The following PPP1R1C variants were observed in gnomAD, a reference collection of about 807,000 sequenced individuals.
The protein encoded by PPP1R1C is protein phosphatase 1 regulatory inhibitor subunit 1C, also known as protein phosphatase 1 regulatory subunit 1C.
A neutral mutation model predicts 17.4 loss-of-function variants in PPP1R1C; 15 were observed. That is an observed-to-expected ratio of 0.86 (90% CI 0.58 to 1.33). The LOEUF is 1.33. PPP1R1C is among the 40% of genes most tolerant of loss of function. The pLI, the probability that PPP1R1C is intolerant of heterozygous loss-of-function variation, is 0.00. For synonymous variants in PPP1R1C, 35 were observed against 43.1 expected, an observed-to-expected ratio of 0.81 and a Z score of 0.73; for missense variants, 143 against 130.0, an observed-to-expected ratio of 1.10 and a Z score of -0.48.
intron 1 of PPP1R1C, among the ~76,000 whole-genome samples, chr2:181,959,063 C>G (rs1439148559): frequency 6.6e-6 from 1 of 152,076 alleles, no homozygotes; most frequent in Non-Finnish European, 1.5e-5. Context: ...ATATAGTTTC[C>G]CAAAGTGATT....
chr2:182,010,362 G>T (rs1404531479), intron 2 of PPP1R1C, among the ~76,000 whole-genome samples: 1 of 151,686 alleles, frequency 6.6e-6, no homozygotes, highest in African/African-American at 2.4e-5. Context: ...TTATTCCCAG[G>T]TATTTTATTT....
chr2:182,029,320 C>T (rs1377029641), intron 2 of PPP1R1C, among the ~76,000 whole-genome samples: 25 of 152,190 alleles, frequency 1.6e-4, no homozygotes, highest in African/African-American at 6.0e-4. Context: ...ATGGTCTTTA[C>T]ATTTTGGCAT....
At chr2:182,077,387 G>T (rs1467194336) in intron 4 of PPP1R1C, among the ~76,000 whole-genome samples, 1 of 151,994 alleles carries the variant, frequency 6.6e-6, no homozygotes, top group African/African-American at 2.4e-5. Context: ...ATATCACAGG[G>T]CCTCACTGGC....
intron 4 of PPP1R1C, among the ~76,000 whole-genome samples, chr2:182,069,804 G>A (rs577365786): frequency 2.0e-5 from 3 of 152,268 alleles, no homozygotes; most frequent in Admixed American, 1.3e-4. Flanking sequence ...TATTTGAGAA[G>A]CAGGGAAAAA....
chr2:182,127,053 A>G (rs1406937864), intron 5 of PPP1R1C, among the ~76,000 whole-genome samples: 1 of 152,116 alleles, frequency 6.6e-6, no homozygotes, highest in Non-Finnish European at 1.5e-5. Context: ...CCAGCAGTAT[A>G]TAAAATTACC....
chr2:182,012,711 G>A (rs1028536597), intron 2 of PPP1R1C, among the ~76,000 whole-genome samples: 3 of 151,956 alleles, frequency 2.0e-5, no homozygotes, highest in Non-Finnish European at 2.9e-5. Context: ...CAATGAAGGT[G>A]ATTTTTCTCT....
chr2:182,066,121 C>T (rs557735923), intron 4 of PPP1R1C, among the ~76,000 whole-genome samples: 7 of 152,094 alleles, frequency 4.6e-5, no homozygotes, highest in Non-Finnish European at 8.8e-5. Flanking sequence ...CTTTTTGTGG[C>T]AGCATTACAC....
chr2:181,999,115 A>T (rs1574364528), intron 2 of PPP1R1C, among the ~76,000 whole-genome samples: 1 of 152,184 alleles, frequency 6.6e-6, no homozygotes, highest in African/African-American at 2.4e-5. Flanking sequence ...ATCAAGACAA[A>T]CACCAGCTGT....
chr2:182,049,298 A>C (rs1687437247), intron 2 of PPP1R1C, among the ~76,000 whole-genome samples: 3 of 143,984 alleles, frequency 2.1e-5, no homozygotes, highest in Non-Finnish European at 4.5e-5. Context: ...CCACCACTGC[A>C]CTCCAGTCTG....
chr2:182,128,178 C>T (rs1689921354), intron 5 of PPP1R1C, among the ~76,000 whole-genome samples: 1 of 152,018 alleles, frequency 6.6e-6, no homozygotes, highest in African/African-American at 2.4e-5. Flanking sequence ...TCCTTAAACT[C>T]ATGGGTGTAT....
In PPP1R1C at chr2:182,104,180, C is replaced by G. The variant is rs561712443; in HGVS notation, c.242-13027C>G. Among the ~76,000 whole-genome samples, 3 of 152,298 alleles carry G rather than the reference C, an allele frequency of 2.0e-5. No individual in the cohort carries two copies. The East Asian group carries it at 5.8e-4, about 29-fold the overall frequency. On this transcript the variant is annotated intron_variant, in intron 4 of 4. Coordinates refer to ENST00000682840, the MANE Select transcript of PPP1R1C (RefSeq NM_001080545.3). ...GCAATTTAACTTCTTCCTTTCTAAT[C>G]TGTGTGACTTGTATTGCTTTTTCTT...
chr2:181,959,600 AC>A (rs1684729986), intron 1 of PPP1R1C, among the ~76,000 whole-genome samples: 1 of 152,200 alleles, frequency 6.6e-6, no homozygotes, highest in African/African-American at 2.4e-5. Flanking sequence ...GAATATTTTG[AC>A]ATCTGTATGT....
intron 4 of PPP1R1C, among the ~76,000 whole-genome samples, chr2:182,067,743 C>T (rs1433533879): frequency 1.3e-5 from 2 of 151,942 alleles, no homozygotes; most frequent in African/African-American, 2.4e-5. Context: ...AGATTATGAC[C>T]CAAGACGCAC....
At chr2:182,033,222 CCA>C (rs1686898924) in intron 2 of PPP1R1C, among the ~76,000 whole-genome samples, 1 of 152,146 alleles carries the variant, frequency 6.6e-6, no homozygotes, top group Admixed American at 6.5e-5. Context: ...AAGTTTCCTA[CCA>C]CACAAACAAT....
chr2:182,046,319 C>T (rs1687346269), intron 2 of PPP1R1C, among the ~76,000 whole-genome samples: 1 of 152,106 alleles, frequency 6.6e-6, no homozygotes, highest in South Asian at 2.1e-4. Context: ...TTCCCCCTGC[C>T]CTTACCCCAT....
At chr2:181,970,353 G>A (rs1422756500) in intron 1 of PPP1R1C, among the ~76,000 whole-genome samples, 1 of 152,096 alleles carries the variant, frequency 6.6e-6, no homozygotes, top group East Asian at 1.9e-4. Flanking sequence ...TCTGCATTAG[G>A]GGGCACTCCA....
At chr2:182,070,992 C>T (rs577842205) in intron 4 of PPP1R1C, among the ~76,000 whole-genome samples, 4 of 152,148 alleles carry the variant, frequency 2.6e-5, no homozygotes, top group African/African-American at 9.7e-5. Context: ...CTAACCCATT[C>T]ATGAAGGATC....
At chr2:181,955,000 G>A (rs947671073) in intron 1 of PPP1R1C, among the ~76,000 whole-genome samples, 2 of 152,214 alleles carry the variant, frequency 1.3e-5, no homozygotes, top group African/African-American at 4.8e-5. Context: ...ACAAAAATCA[G>A]TCTCATCCTA....
chr2:181,960,287 A>T (rs1684747960), intron 1 of PPP1R1C, among the ~76,000 whole-genome samples: 1 of 152,228 alleles, frequency 6.6e-6, no homozygotes, highest in Admixed American at 6.5e-5. Context: ...AATTTTAAAA[A>T]TAATAAGTTT....
Sources: allele counts gnomAD v4.1 joint callset (sites outside exome capture counted in the v4.1 genomes callset), GRCh38; gene constraint gnomAD v4.1.1; transcripts MANE v1.5; gene names NCBI Gene and HGNC (gene_info 2026-07-23, HGNC 2026-07-21).